The following SLC24A4 variants were observed in gnomAD, a reference collection of about 807,000 sequenced individuals.
SLC24A4 encodes the protein solute carrier family 24 member 4, also known as sodium/potassium/calcium exchanger 4.
Under a neutral mutation model 79.0 loss-of-function variants are expected in SLC24A4, and 53 were observed. That is an observed-to-expected ratio of 0.67 (90% CI 0.54 to 0.84). The LOEUF is 0.84. Ranked by LOEUF, SLC24A4 falls within the 40% of genes least tolerant of loss-of-function variation. The pLI is 0.00. For synonymous variants in SLC24A4, 323 were observed against 323.8 expected (o/e 1.00, Z 0.03); for missense variants, 731 against 822.0 (o/e 0.89, Z 1.35).
intron 6 of SLC24A4, 36 bp downstream of exon 6, chr14:92,442,852 C>G: frequency 6.5e-7 from 1 of 1,535,072 alleles, no homozygotes; most frequent in Non-Finnish European, 9.0e-7. Context: ...CAGATGCATG[C>G]CCTGAAGCGT....
At chr14:92,486,964 A>G (rs1333167808) in intron 14 of SLC24A4, among the ~76,000 whole-genome samples, 184 bp downstream of exon 14, 1 of 152,236 alleles carries the variant, frequency 6.6e-6, no homozygotes, top group African/African-American at 2.4e-5. Context: ...AGAGAATGCT[A>G]CCAAGATGAA....
In SLC24A4 at chr14:92,495,275, A is replaced by C. The variant is rs924865506; in HGVS notation, c.*1647A>C. On this transcript the variant is annotated 3_prime_UTR_variant, in exon 17 of 17. Coordinates refer to ENST00000532405, the MANE Select transcript of SLC24A4 (RefSeq NM_153646.4). ...GAAGTGTTCGTGCTTGTGTCCCTGA[A>C]GTTCCCTGTTGCATGAGCCTGCGAC... is the stretch of plus-strand genomic sequence containing the variant. 1 of 152,162 alleles carries C rather than the reference A, an allele frequency of 6.6e-6. No homozygotes were observed. The highest frequency in any genetic ancestry group is 2.4e-5 in the African/African-American group (1 of 41,412). The allele number at this position is 152,162 out of a possible 1,614,324, so 9.4% of individuals were successfully genotyped here.
chr14:92,336,504 T>C (rs765041108), intron 2 of SLC24A4, among the ~76,000 whole-genome samples: 3 of 152,204 alleles, frequency 2.0e-5, no homozygotes, highest in Non-Finnish European at 4.4e-5. Flanking sequence ...TTTCTGGACC[T>C]ACAGCTTCCT....
chr14:92,499,627 TC>T lies in SLC24A4; in HGVS notation c.*6001del, dbSNP rs1400136725. On this transcript the variant is annotated 3_prime_UTR_variant, in exon 17 of 17. Transcript: ENST00000532405. ...GCCTCAAACTCCTAGGCTCAAGTGA[TC>T]CTCCTGAAAAGTAGGTAGGACTACA... The T allele has an allele frequency of 6.6e-6, 1 of 151,016 alleles. No individual in the cohort carries two copies. Among genetic ancestry groups the T allele is most frequent in the Admixed American group, 6.6e-5 (1 of 15,130 alleles). 9.4% of individuals were successfully genotyped at this position (151,016 alleles called of 1,614,324 possible).
rs1205863133 is a variant in SLC24A4 at position 92,497,375 on chromosome 14, C to CA, written c.*3748dup. On this transcript the variant is annotated 3_prime_UTR_variant, in exon 17 of 17. Transcript: ENST00000532405. Reference sequence around the variant, plus strand: ...ATTGCATCAGCAGGAGCCCATCTCTCAGAGAACCCGGACTCCCCAAGCAGA... The same window carrying CA: ...ATTGCATCAGCAGGAGCCCATCTCTCAAGAGAACCCGGACTCCCCAAGCAGA... 6.6e-6 allele frequency: 1 copy of CA among 152,248 alleles called. No individual in the cohort carries two copies. The highest frequency in any genetic ancestry group is 2.4e-5 in the African/African-American group (1 of 41,442). The allele number at this position is 152,248 out of a possible 1,614,324, so 9.4% of individuals were successfully genotyped here.
intron 2 of SLC24A4, among the ~76,000 whole-genome samples, chr14:92,341,723 A>T (rs542365765): frequency 3.9e-5 from 6 of 152,170 alleles, no homozygotes; most frequent in South Asian, 2.1e-4. Flanking sequence ...AATGGGGGGA[A>T]ATTCCATCCT....
At chr14:92,404,080 G>A (rs998541796) in intron 2 of SLC24A4, among the ~76,000 whole-genome samples, 1 of 152,192 alleles carries the variant, frequency 6.6e-6, no homozygotes, top group Non-Finnish European at 1.5e-5. Flanking sequence ...TGTTAGAAAA[G>A]AGTAAGTCTT....
intron 2 of SLC24A4, among the ~76,000 whole-genome samples, chr14:92,389,235 G>C (rs1889333753): frequency 1.3e-5 from 2 of 152,158 alleles, no homozygotes; most frequent in African/African-American, 2.4e-5. Flanking sequence ...CTCTTGGAAG[G>C]AAGTGAATCT....
chr14:92,373,763 CT>C (rs1888339566), intron 2 of SLC24A4, among the ~76,000 whole-genome samples: 1 of 152,128 alleles, frequency 6.6e-6, no homozygotes, highest in African/African-American at 2.4e-5. Context: ...TCATTTTAGC[CT>C]TTTCTTACTG....
chr14:92,468,759 A>G (rs1461042305), intron 12 of SLC24A4, among the ~76,000 whole-genome samples: 3 of 152,244 alleles, frequency 2.0e-5, no homozygotes, highest in Non-Finnish European at 2.9e-5. Context: ...ACTCAATATG[A>G]AACAAAAACC....
At chr14:92,349,583 T>C (rs1886754302) in intron 2 of SLC24A4, among the ~76,000 whole-genome samples, 1 of 152,222 alleles carries the variant, frequency 6.6e-6, no homozygotes, top group African/African-American at 2.4e-5. Context: ...TTCACCTTGT[T>C]TTCTTTCCCC....
chr14:92,345,580 T>C (rs1043428174), intron 2 of SLC24A4, among the ~76,000 whole-genome samples: 3 of 152,152 alleles, frequency 2.0e-5, no homozygotes, highest in Admixed American at 6.6e-5. Flanking sequence ...CATGTACCTT[T>C]TATCCCAGCT....
intron 2 of SLC24A4, among the ~76,000 whole-genome samples, chr14:92,404,748 A>G (rs1282567036): frequency 6.6e-6 from 1 of 152,076 alleles, no homozygotes; most frequent in Non-Finnish European, 1.5e-5. Flanking sequence ...TACTTTTTTC[A>G]TAAGCTCTGG....
chr14:92,324,177 G>C (rs1884978548), intron 1 of SLC24A4, among the ~76,000 whole-genome samples: 1 of 152,200 alleles, frequency 6.6e-6, no homozygotes, highest in African/African-American at 2.4e-5. Context: ...GCGGCCCCTG[G>C]GGGGGCTCAG....
Position 92,456,602 on chromosome 14 carries a change from G to A in SLC24A4, c.1249G>A (p.Val417Met), listed in dbSNP as rs138624260. The change falls in exon 12 of 17, where the codon GTG (valine) becomes ATG (methionine). Residue 417 changes from valine (V) to methionine (M), a missense_variant. By Grantham distance (21) the Val-to-Met change is conservative. Transcript: ENST00000532405. ...VEADFLSPFS[V>M]PEARGDKVKW... ...GGCTGACTTCCTGTCCCCCTTCTCC[G>A]TGCCGGGTGAGTTCTGGGGGTACTG... is the stretch of plus-strand genomic sequence containing the variant. 1.0e-4 allele frequency: 165 copies of A among 1,613,208 alleles called. No homozygotes were observed. The African/African-American group carries it at 1.3e-3, about 13-fold the overall frequency.
chr14:92,367,027 G>A (rs558617733), intron 2 of SLC24A4, among the ~76,000 whole-genome samples: 15 of 152,254 alleles, frequency 9.9e-5, no homozygotes, highest in East Asian at 3.9e-4. Context: ...GGGGTGGGAC[G>A]TTCCAGAAGC....
At chr14:92,412,545 G>A (rs1234029062) in intron 2 of SLC24A4, among the ~76,000 whole-genome samples, 1 of 152,148 alleles carries the variant, frequency 6.6e-6, no homozygotes, top group East Asian at 1.9e-4. Context: ...TGTGGCCACA[G>A]CCCACAGCCC....
chr14:92,339,772 G>A (rs571157682), intron 2 of SLC24A4, among the ~76,000 whole-genome samples: 1 of 152,240 alleles, frequency 6.6e-6, no homozygotes, highest in African/African-American at 2.4e-5. Context: ...GTTTTAGGAG[G>A]TTAGATCTGC....
rs890069129 is a variant in SLC24A4 at position 92,499,522 on chromosome 14, CT to C, written c.*5905del. The C allele has an allele frequency of 2.4e-4, 35 of 146,978 alleles. No individual in the cohort carries two copies. Among genetic ancestry groups the C allele is most frequent in the Middle Eastern group, 3.6e-3 (1 of 276 alleles). 9.1% of individuals were successfully genotyped at this position (146,978 alleles called of 1,614,324 possible). ...ACTGTTGCTAGAATTCAAACAGTTG[CT>C]TTTTTTTTTTCTTTTTGAGAAAGGG... On this transcript the variant is annotated 3_prime_UTR_variant, in exon 17 of 17. Transcript: ENST00000532405.
Sources: gnomAD v4.1 joint callset for allele counts (sites outside exome capture counted in the v4.1 genomes callset) on GRCh38, gnomAD v4.1.1 for gene constraint, MANE v1.5 for transcripts, NCBI Gene and HGNC (gene_info 2026-07-23, HGNC 2026-07-21) for gene names.